SYNPO2: variants seen among roughly 807,000 people sequenced by gnomAD.
SYNPO2 encodes synaptopodin 2.
SYNPO2 carries 56 observed loss-of-function variants against 85.0 expected under a neutral mutation model. The ratio of observed to expected loss-of-function variants is 0.66; its 90% CI spans 0.53 to 0.82. The LOEUF (loss-of-function observed/expected upper bound fraction) is 0.82. Among genes scored for constraint, SYNPO2 ranks in the 40% least tolerant of loss-of-function variants. SYNPO2 has a pLI of 0.00. For missense variants in SYNPO2, 1,575 were observed against 1,534.2 expected (o/e 1.03, Z -0.44); for synonymous variants, 602 against 591.1 (o/e 1.02, Z -0.27).
chr4:118,951,730 G>A lies in SYNPO2; in HGVS notation c.105+62589G>A, dbSNP rs557684511. Among the ~76,000 whole-genome samples, 100 of 152,184 alleles carry A rather than the reference G, an allele frequency of 6.6e-4. 1 individual carries two copies. The highest frequency in any genetic ancestry group is 2.2e-3 in the African/African-American group (91 of 41,542). ...GTACTAGCATGTTACCTTTCCAAAC[G>A]TGAATTTTTCATAATAAAATTCATG... On this transcript the variant is annotated intron_variant, in intron 1 of 4. Transcript: ENST00000307142.
intron 1 of SYNPO2, among the ~76,000 whole-genome samples, chr4:118,927,725 TA>T (rs1345395664): frequency 6.6e-6 from 1 of 150,640 alleles, no homozygotes; most frequent in African/African-American, 2.5e-5. Flanking sequence ...GATAGATAGA[TA>T]GATAGATAGA....
chr4:118,854,734 A>G (rs954648981), intron 1 of SYNPO2, among the ~76,000 whole-genome samples: 6 of 152,178 alleles, frequency 3.9e-5, no homozygotes, highest in Admixed American at 3.9e-4. Flanking sequence ...CAAAAAATGC[A>G]TAATGGCATC....
rs1320159878 is a variant in SYNPO2, at chr4:119,061,022, A to C, written c.*3088A>C. 6.6e-6 allele frequency: 1 copy of C among 152,138 alleles called. No homozygotes were observed. The highest frequency in any genetic ancestry group is 2.1e-4 in the South Asian group (1 of 4,834). The allele number at this position is 152,138 out of a possible 1,614,324, so 9.4% of individuals were successfully genotyped here. ...AGGCACAGTTATTACAACTAGAGAG[A>C]AATTCCAGAAATATTTGTTTTTTTA... On this transcript the variant is annotated 3_prime_UTR_variant, in exon 5 of 5. Coordinates refer to ENST00000307142, the MANE Select transcript of SYNPO2 (RefSeq NM_133477.3).
At chr4:118,988,190 T>A (rs975204) in intron 1 of SYNPO2, among the ~76,000 whole-genome samples, 2 of 152,092 alleles carry the variant, frequency 1.3e-5, no homozygotes, top group East Asian at 1.9e-4. Flanking sequence ...TTGCCAGTAC[T>A]TCTAACATTA....
rs576931569 is a variant in SYNPO2, at chr4:119,057,448, C to A, written c.3300C>A (p.Pro1100=). 9 of 1,613,220 alleles carry A rather than the reference C, an allele frequency of 5.6e-6. No homozygotes were observed. In the African/African-American group the frequency reaches 1.1e-4, roughly 19 times the overall value. Residue 1100 remains proline, a synonymous_variant, in exon 5 of 5, where the codon CCC becomes CCA. Transcript: ENST00000307142. ...LSLPGRSVPP[P]ISTSPWVYQP... ...TTCCTGGAAGATCAGTCCCACCCCCCATTTCTACATCTCCTTGGGTATACC... is the reference window on the plus strand; with the variant it reads ...TTCCTGGAAGATCAGTCCCACCCCCAATTTCTACATCTCCTTGGGTATACC...
chr4:118,972,585 C>G (rs1735579067), intron 1 of SYNPO2, among the ~76,000 whole-genome samples: 1 of 152,148 alleles, frequency 6.6e-6, no homozygotes, highest in Non-Finnish European at 1.5e-5. Flanking sequence ...TTTGTCTAAA[C>G]TAACTCAGAA....
At chr4:118,894,026 G>GATAT (rs140546115) in intron 1 of SYNPO2, among the ~76,000 whole-genome samples, 2 of 148,336 alleles carry the variant, frequency 1.3e-5, no homozygotes, top group South Asian at 2.1e-4. Flanking sequence ...TAAAAAAGAA[G>GATAT]ATATATATAT....
intron 2 of SYNPO2, among the ~76,000 whole-genome samples, chr4:119,026,170 GA>G (rs1737933356): frequency 6.6e-6 from 1 of 152,152 alleles, no homozygotes; most frequent in Non-Finnish European, 1.5e-5. Context: ...CCTCTAAAAG[GA>G]CTAGTTGAGT....
At chr4:119,000,600 C>T (rs958784126) in intron 1 of SYNPO2, among the ~76,000 whole-genome samples, 21 of 152,110 alleles carry the variant, frequency 1.4e-4, no homozygotes, top group African/African-American at 5.1e-4. Context: ...GGCAATGTGG[C>T]ATGGTGCTGA....
At chr4:118,962,253 C>T (rs1407790892) in intron 1 of SYNPO2, among the ~76,000 whole-genome samples, 1 of 152,138 alleles carries the variant, frequency 6.6e-6, no homozygotes, top group Non-Finnish European at 1.5e-5. Flanking sequence ...CAAGATGAAA[C>T]TAAGTCTCTG....
chr4:118,935,662 A>G (rs899645946), intron 1 of SYNPO2, among the ~76,000 whole-genome samples: 11 of 152,274 alleles, frequency 7.2e-5, no homozygotes, highest in Admixed American at 1.3e-4. Flanking sequence ...AAATGTGCGT[A>G]TAACTTTTGA....
In SYNPO2 at chr4:118,877,503, A is replaced by C. The variant is rs889059712; in HGVS notation, c.12+26563A>C. On this transcript the variant is annotated intron_variant, in intron 1 of 4. Transcript: ENST00000610556. ...AAGAATCTATAAGGAACTTAAACAA[A>C]TTTACAAGCAAAAACTGAACCCCAT... Among the ~76,000 whole-genome samples the C allele has an allele frequency of 5.9e-5, 9 of 152,234 alleles. 1 individual carries two copies. The highest frequency in any genetic ancestry group is 2.0e-4 in the Admixed American group (3 of 15,286).
At chr4:118,860,306 T>C (rs1034099456) in intron 1 of SYNPO2, among the ~76,000 whole-genome samples, 4 of 152,124 alleles carry the variant, frequency 2.6e-5, no homozygotes, top group African/African-American at 9.7e-5. Context: ...TGTAGTGGCA[T>C]GATCACAGCT....
In SYNPO2 at chr4:118,891,994, C is replaced by A. The variant is rs1038436594; in HGVS notation, c.105+2853C>A. On this transcript the variant is annotated intron_variant, in intron 1 of 4. Transcript: ENST00000307142. Reference sequence around the variant, plus strand: ...TCATAATTCTATATAGAGTAAAAATCTAACAGGCAGAAATAGTGCAAAAAA... The same window carrying A: ...TCATAATTCTATATAGAGTAAAAATATAACAGGCAGAAATAGTGCAAAAAA... 1.3e-5 allele frequency among the ~76,000 whole-genome samples: 2 copies of A among 151,944 alleles called. 1 individual carries two copies. The highest frequency in any genetic ancestry group is 4.2e-4 in the South Asian group (2 of 4,810).
rs143130760 is a variant in SYNPO2 at position 118,968,281 on chromosome 4, A to G, written c.106-55149A>G. Among the ~76,000 whole-genome samples, 894 of 152,322 alleles carry G rather than the reference A, an allele frequency of 5.9e-3. 9 individuals are homozygous for G. Among genetic ancestry groups the G allele is most frequent in the African/African-American group, 0.021 (857 of 41,568 alleles). ...GTCACTGGAGGCCCTTGCACTTGCT[A>G]ATGCCAATCAGACCTCATGGGCTCC... is the stretch of plus-strand genomic sequence containing the variant. On this transcript the variant is annotated intron_variant, in intron 1 of 4. Coordinates refer to ENST00000307142, the MANE Select transcript of SYNPO2 (RefSeq NM_133477.3).
At chr4:119,004,199 A>G (rs1172695786) in intron 1 of SYNPO2, among the ~76,000 whole-genome samples, 1 of 151,962 alleles carries the variant, frequency 6.6e-6, no homozygotes, top group Non-Finnish European at 1.5e-5. Context: ...AAGTCTGTCC[A>G]TTTGTGGAAA....
intron 1 of SYNPO2, among the ~76,000 whole-genome samples, chr4:118,872,231 A>C (rs564709869): frequency 6.6e-6 from 1 of 152,174 alleles, no homozygotes; most frequent in Non-Finnish European, 1.5e-5. Context: ...AATAACGTAC[A>C]TTGTACCTGT....
chr4:118,897,130 G>C (rs10013033), intron 1 of SYNPO2, among the ~76,000 whole-genome samples: 95,652 of 151,984 alleles, frequency 0.63, 30,433 homozygotes, highest in South Asian at 0.74. Context: ...AGGAAACTTA[G>C]AATCATGGGA....
rs116831008 is a variant in SYNPO2, at chr4:118,912,082, C to T, written c.105+22941C>T. ...CTAGGTAGAGGACTTCTTTTTACAA[C>T]ATCACTGATAAATAAACCACTAGCC... On this transcript the variant is annotated intron_variant, in intron 1 of 4. Coordinates refer to ENST00000307142, the MANE Select transcript of SYNPO2 (RefSeq NM_133477.3). 2.0e-3 allele frequency among the ~76,000 whole-genome samples: 304 copies of T among 152,296 alleles called. 1 individual carries two copies. The highest frequency in any genetic ancestry group is 7.0e-3 in the African/African-American group (290 of 41,558).
Sources: gnomAD v4.1 joint callset for allele counts (sites outside exome capture counted in the v4.1 genomes callset) on GRCh38, gnomAD v4.1.1 for gene constraint, MANE v1.5 for transcripts, NCBI Gene and HGNC (gene_info 2026-07-23, HGNC 2026-07-21) for gene names.